NSMAF: variants seen among roughly 807,000 people sequenced by gnomAD.
NSMAF encodes protein FAN.
Under a neutral mutation model 134.9 loss-of-function variants are expected in NSMAF, and 90 were observed. The observed-to-expected ratio is 0.67, with a 90% CI of 0.56 to 0.79. NSMAF has a LOEUF of 0.79. Ranked by LOEUF, NSMAF falls within the 30% of genes least tolerant of loss-of-function variation. The pLI is 0.00. For synonymous variants in NSMAF, 358 were observed against 389.6 expected, an observed-to-expected ratio of 0.92 and a Z score of 0.96; for missense variants, 1,010 against 1,119.0, an observed-to-expected ratio of 0.90 and a Z score of 1.39.
intron 1 of NSMAF, chr8:58,659,208 C>G (rs1296461435): frequency 6.9e-7 from 1 of 1,455,646 alleles, no homozygotes; most frequent in Non-Finnish European, 9.0e-7. Context: ...CCCCTGCGAA[C>G]GCCCGGGCTC....
chr8:58,627,960 G>T (rs1806974015), intron 6 of NSMAF, among the ~76,000 whole-genome samples: 1 of 152,126 alleles, frequency 6.6e-6, no homozygotes. Context: ...AAATCTGGGG[G>T]CATCACATTA....
At chr8:58,604,498 A>AC (rs1806357452) in intron 12 of NSMAF, among the ~76,000 whole-genome samples, 1 of 150,150 alleles carries the variant, frequency 6.7e-6, no homozygotes, top group African/African-American at 2.4e-5. Context: ...TAATGTATGA[A>AC]TAAAATACTA....
chr8:58,658,851 C>A (rs1007887998), intron 1 of NSMAF, among the ~76,000 whole-genome samples: 2 of 152,206 alleles, frequency 1.3e-5, no homozygotes, highest in Non-Finnish European at 2.9e-5. Flanking sequence ...CAAATCCTTA[C>A]TGGGATGCTG....
At chr8:58,623,476 A>G (rs1274525363) in intron 7 of NSMAF, 52 bp from the exon 8 acceptor site, 1 of 1,553,998 alleles carries the variant, frequency 6.4e-7, no homozygotes, top group African/African-American at 1.4e-5. Context: ...GATGATATGA[A>G]GTATTTCTTT....
intron 1 of NSMAF, among the ~76,000 whole-genome samples, chr8:58,649,077 G>A (rs1410505838): frequency 1.3e-5 from 2 of 152,220 alleles, no homozygotes; most frequent in Non-Finnish European, 2.9e-5. Context: ...AAGCAGCCAA[G>A]TGGGCTGCAC....
chr8:58,629,141 T>C (rs1193409488), intron 6 of NSMAF, among the ~76,000 whole-genome samples: 1 of 152,186 alleles, frequency 6.6e-6, no homozygotes, highest in Non-Finnish European at 1.5e-5. Flanking sequence ...TCTCTCTCTC[T>C]TCTCTTTCTT....
rs779246756 is a variant in NSMAF, at chr8:58,623,682, T to A, written c.456+27A>T. On this transcript the variant is annotated intron_variant, in intron 7 of 30. Transcript: ENST00000038176. ...AAACAGTTTTTGCCTCAGTTTGCTT[T>A]GAATTTTCTACCCAGCAAGTGCTTA... 7 of 1,598,396 alleles carry A rather than the reference T, an allele frequency of 4.4e-6. No individual in the cohort carries two copies. In the South Asian group the frequency reaches 7.8e-5, roughly 18 times the overall value.
intron 2 of NSMAF, among the ~76,000 whole-genome samples, chr8:58,636,291 A>G (rs1304044544): frequency 6.6e-6 from 1 of 152,232 alleles, no homozygotes; most frequent in Non-Finnish European, 1.5e-5. Flanking sequence ...TTGACATCAT[A>G]TACTTTATCC....
rs1399803552 is a variant in NSMAF at position 58,603,364 on chromosome 8, A to G, written c.891T>C (p.Thr297=). Residue 297 remains threonine, a synonymous_variant, in exon 13 of 31, where the codon ACT becomes ACC. Transcript: ENST00000038176. ...TYLEHHVAEH[T]AESYMLQWQR... is the part of the protein sequence containing the mutation. The stretch of plus-strand genomic sequence containing the variant: ...GCCACTGCAGCATGTAGCTCTCAGC[A>G]GTGTGCTCCGCCACATGGTGCTCTG... The G allele has an allele frequency of 6.2e-7, 1 of 1,613,832 alleles. No individual in the cohort carries two copies. The highest frequency in any genetic ancestry group is 8.5e-7 in the Non-Finnish European group (1 of 1,180,030).
chr8:58,601,335 C>T lies in NSMAF; in HGVS notation c.1230G>A (p.Met410Ile). 6.2e-7 allele frequency: 1 copy of T among 1,613,822 alleles called. No individual in the cohort carries two copies. Among genetic ancestry groups the T allele is most frequent in the Admixed American group, 1.7e-5 (1 of 60,006 alleles). Residue 410 changes from methionine to isoleucine, a missense_variant, in exon 16 of 31, where the codon ATG (methionine) becomes ATA (isoleucine). Physicochemically the swap from Met to Ile is conservative, Grantham distance 10. Transcript: ENST00000038176. ...FYLVRIAPEYMLCLQNGRFDN... is the reference protein window; with the variant it reads ...FYLVRIAPEYILCLQNGRFDN... ...CAAATCTTCCATTCTGCAGGCACAG[C>T]ATATACTCTGGTGCTAGAGGGGAAA...
rs755700658 is a variant in NSMAF at position 58,635,660 on chromosome 8, A to G, written c.150-114T>C. 238 of 644,462 alleles carry G rather than the reference A, an allele frequency of 3.7e-4. 2 individuals carry two copies. The highest frequency in any genetic ancestry group is 4.4e-4 in the Admixed American group (15 of 33,878). 39.9% of individuals were successfully genotyped at this position (644,462 alleles called of 1,614,324 possible). A position where few individuals can be genotyped will look rare whatever the true frequency, so the allele number is the denominator to read the frequency against. On this transcript the variant is annotated intron_variant, in intron 2 of 30. Coordinates refer to ENST00000038176, the MANE Select transcript of NSMAF (RefSeq NM_003580.4). ...TAAAGCATCACATAATAAAAGATCA[A>G]TAATGCATATAAAGAGAACGTCTCT...
At chr8:58,641,188 T>C (rs1807327643) in intron 2 of NSMAF, among the ~76,000 whole-genome samples, 1 of 152,224 alleles carries the variant, frequency 6.6e-6, no homozygotes, top group African/African-American at 2.4e-5. Flanking sequence ...CCCAAAGTAC[T>C]GGGATTACAG....
chr8:58,595,520 AG>A, intron 22 of NSMAF, 39 bp downstream of exon 22: 6 of 1,431,766 alleles, frequency 4.2e-6, no homozygotes, highest in Non-Finnish European at 5.9e-6. Context: ...AACTTTTACC[AG>A]GACTATCAGC....
intron 11 of NSMAF, among the ~76,000 whole-genome samples, chr8:58,607,096 C>G (rs1433177958): frequency 1.3e-5 from 2 of 152,100 alleles, no homozygotes; most frequent in Non-Finnish European, 2.9e-5. Flanking sequence ...AATTAAAATT[C>G]CACAATGCTT....
At chr8:58,590,108 T>C in intron 24 of NSMAF, 34 bp from the exon 25 acceptor site, 2 of 1,550,148 alleles carry the variant, frequency 1.3e-6, no homozygotes, top group Non-Finnish European at 1.8e-6. Context: ...TAACAATCTA[T>C]AATAATTAGT....
intron 5 of NSMAF, among the ~76,000 whole-genome samples, chr8:58,632,630 ACT>A (rs1209255994): frequency 6.6e-6 from 1 of 151,786 alleles, no homozygotes; most frequent in Non-Finnish European, 1.5e-5. Context: ...TTCTCACACC[ACT>A]CTGTCCACTC....
chr8:58,633,065 G>A (rs919291681), intron 5 of NSMAF, among the ~76,000 whole-genome samples: 9 of 152,124 alleles, frequency 5.9e-5, no homozygotes, highest in East Asian at 1.9e-4. Flanking sequence ...TTTGTACAGC[G>A]TGTTCTCTAC....
intron 2 of NSMAF, among the ~76,000 whole-genome samples, chr8:58,642,043 T>G (rs1035969386): frequency 1.4e-4 from 22 of 152,188 alleles, no homozygotes; most frequent in Admixed American, 1.4e-3. Context: ...AGCAAGGTGC[T>G]GTGTTCAGGG....
intron 9 of NSMAF, among the ~76,000 whole-genome samples, chr8:58,621,191 C>T (rs1170632933): frequency 6.6e-6 from 1 of 152,114 alleles, no homozygotes; most frequent in Non-Finnish European, 1.5e-5. Context: ...TAAGTGAGAA[C>T]ATGCAGTGTT....
Sources: gnomAD v4.1 joint callset for allele counts (sites outside exome capture counted in the v4.1 genomes callset) on GRCh38, gnomAD v4.1.1 for gene constraint, MANE v1.5 for transcripts, NCBI Gene and HGNC (gene_info 2026-07-23, HGNC 2026-07-21) for gene names.